The following AGAP1 variants were observed in gnomAD, a reference collection of about 807,000 sequenced individuals.
AGAP1 encodes ArfGAP with GTPase domain, ankyrin repeat and PH domain 1.
A neutral mutation model predicts 105.3 loss-of-function variants in AGAP1; 29 were observed. The ratio of observed to expected loss-of-function variants is 0.28; its 90% CI spans 0.21 to 0.38. The LOEUF (loss-of-function observed/expected upper bound fraction) is 0.38, where lower values mean the gene tolerates loss of function less well. AGAP1 is among the 10% of genes least tolerant of loss of function. The pLI is 1.00. For synonymous variants in AGAP1, 509 were observed against 485.9 expected (o/e 1.05, Z -0.63); for missense variants, 998 against 1,165.1 (o/e 0.86, Z 2.09).
chr2:235,538,425 C>CTGTGTGTGTGTGTGTGTGTGTG (rs1413280144), intron 1 of AGAP1, among the ~76,000 whole-genome samples: 1 of 28,586 alleles, frequency 3.5e-5, no homozygotes, highest in African/African-American at 1.5e-4. Context: ...ACCTCAGCCA[C>CTGTGTGTGTGTGTGTGTGTGTG]TATGTGTGTG....
chr2:235,653,318 G>A (rs1034251701), intron 1 of AGAP1, among the ~76,000 whole-genome samples: 1 of 151,774 alleles, frequency 6.6e-6, no homozygotes, highest in Non-Finnish European at 1.5e-5. Flanking sequence ...AAAAAAATTA[G>A]CCTGGTGTGG....
Position 236,002,652 on chromosome 2 carries a change from T to A in AGAP1, c.1646-33909T>A, listed in dbSNP as rs1293707731. ...TCTGCATCTTCTTGTCCCTCCTGGA[T>A]GAATACAGGACACTTAAACATTTAA... On this transcript the variant is annotated intron_variant, in intron 13 of 17. Coordinates refer to ENST00000304032, the MANE Select transcript of AGAP1 (RefSeq NM_001037131.3). The surrounding 1 kb of genome is among the most constrained non-coding windows in gnomAD (Gnocchi z 4.3). 1.3e-5 allele frequency among the ~76,000 whole-genome samples: 2 copies of A among 152,116 alleles called. No individual in the cohort carries two copies.
chr2:235,549,346 G>T lies in AGAP1; in HGVS notation c.163+54497G>T, dbSNP rs145285585. 6.6e-6 allele frequency among the ~76,000 whole-genome samples: 1 copy of T among 152,308 alleles called. No homozygotes were observed. Among genetic ancestry groups the T allele is most frequent in the Non-Finnish European group, 1.5e-5 (1 of 68,030 alleles). Reference sequence around the variant, plus strand: ...TGCCAGCTCTCACCTGGGAAGGTCAGCGTGCAGGGTTGCAGACTGCTTAAG... The same window carrying T: ...TGCCAGCTCTCACCTGGGAAGGTCATCGTGCAGGGTTGCAGACTGCTTAAG... On this transcript the variant is annotated intron_variant, in intron 1 of 17. Transcript: ENST00000304032. The surrounding 1 kb of genome is among the most constrained non-coding windows in gnomAD (Gnocchi z 4.2).
In AGAP1 at chr2:235,601,656, A is replaced by G. The variant is rs1945735547; in HGVS notation, c.163+106807A>G. Among the ~76,000 whole-genome samples the G allele has an allele frequency of 1.3e-5, 2 of 152,114 alleles. No individual in the cohort carries two copies. The highest frequency in any genetic ancestry group is 4.2e-4 in the South Asian group (2 of 4,814). On this transcript the variant is annotated intron_variant, in intron 1 of 17. Coordinates refer to ENST00000304032, the MANE Select transcript of AGAP1 (RefSeq NM_001037131.3). This position sits in a 1 kb window ranked among gnomAD's most constrained non-coding sequence, Gnocchi z 4.4. Reference sequence around the variant, plus strand: ...TCCCACTGGGTCCCTGGGAGCCACAATTCAAGATGAGATTTGGGTGGGGAC... The same window carrying G: ...TCCCACTGGGTCCCTGGGAGCCACAGTTCAAGATGAGATTTGGGTGGGGAC...
chr2:236,027,752 A>AC lies in AGAP1; in HGVS notation c.1646-8805dup, dbSNP rs1428051143. On this transcript the variant is annotated intron_variant, in intron 13 of 17. Coordinates refer to ENST00000304032, the MANE Select transcript of AGAP1 (RefSeq NM_001037131.3). This position sits in a 1 kb window ranked among gnomAD's most constrained non-coding sequence, Gnocchi z 4.4. ...ACCATCTGGTCAAAACAGAACAGAA[A>AC]CCCCAAAGAGCTGTTCATCGGCGTC... is the stretch of plus-strand genomic sequence containing the variant. 6.6e-6 allele frequency among the ~76,000 whole-genome samples: 1 copy of AC among 151,916 alleles called. No homozygotes were observed. The highest frequency in any genetic ancestry group is 6.6e-5 in the Admixed American group (1 of 15,262).
At chr2:235,847,511 A>G (rs1961640109) in intron 9 of AGAP1, among the ~76,000 whole-genome samples, 1 of 152,252 alleles carries the variant, frequency 6.6e-6, no homozygotes, top group South Asian at 2.1e-4. Flanking sequence ...TACATCTTTG[A>G]AAAGATATGA....
Position 235,549,312 on chromosome 2 carries a change from C to G in AGAP1, c.163+54463C>G, listed in dbSNP as rs1366773996. Reference sequence around the variant, plus strand: ...ACTGGAGAGAGCTGGCGAGTGCAGCCTGCTGGGATGCCAGCTCTCACCTGG... The same window carrying G: ...ACTGGAGAGAGCTGGCGAGTGCAGCGTGCTGGGATGCCAGCTCTCACCTGG... On this transcript the variant is annotated intron_variant, in intron 1 of 17. Coordinates refer to ENST00000304032, the MANE Select transcript of AGAP1 (RefSeq NM_001037131.3). The surrounding 1 kb of genome is among the most constrained non-coding windows in gnomAD (Gnocchi z 4.2). Among the ~76,000 whole-genome samples, 1 of 152,170 alleles carries G rather than the reference C, an allele frequency of 6.6e-6. No individual in the cohort carries two copies. Among genetic ancestry groups the G allele is most frequent in the Non-Finnish European group, 1.5e-5 (1 of 68,030 alleles).
Position 235,717,700 on chromosome 2 carries a change from C to T in AGAP1, c.310+56C>T. 5 of 1,442,860 alleles carry T rather than the reference C, an allele frequency of 3.5e-6. No homozygotes were observed. In the East Asian group the frequency reaches 9.4e-5, roughly 27 times the overall value. The allele number at this position is 1,442,860 out of a possible 1,614,324, so 89.4% of individuals were successfully genotyped here. A position where few individuals can be genotyped will look rare whatever the true frequency, so the allele number is the denominator to read the frequency against. On this transcript the variant is annotated intron_variant, in intron 3 of 17. Coordinates refer to ENST00000304032, the MANE Select transcript of AGAP1 (RefSeq NM_001037131.3). Reference sequence around the variant, plus strand: ...AAGAATGTAGTTTTTTAAAATTTTTCCTTAGCATATTATAAATCATGACTT... The same window carrying T: ...AAGAATGTAGTTTTTTAAAATTTTTTCTTAGCATATTATAAATCATGACTT...
Position 235,830,783 on chromosome 2 carries a change from A to C in AGAP1, c.1050+23452A>C, listed in dbSNP as rs1959255086. Among the ~76,000 whole-genome samples, 1 of 152,076 alleles carries C rather than the reference A, an allele frequency of 6.6e-6. No homozygotes were observed. The highest frequency in any genetic ancestry group is 1.5e-5 in the Non-Finnish European group (1 of 68,004). On this transcript the variant is annotated intron_variant, in intron 9 of 17. Transcript: ENST00000304032. This position sits in a 1 kb window ranked among gnomAD's most constrained non-coding sequence, Gnocchi z 5.5. ...ATTTCTTCCTCGGAATTTTTAAGTG[A>C]TTTTACTTCTATTGGATGCTGTTGA...
rs2125030853 is a variant in AGAP1 at position 235,906,994 on chromosome 2, C to A, written c.1156-1744C>A. ...TCATGCCACTCCACTCCAGCCTGGG[C>A]AACAGAGTGAGACTCTTGTCTCAAA... On this transcript the variant is annotated intron_variant, in intron 10 of 17. Transcript: ENST00000304032. This position sits in a 1 kb window ranked among gnomAD's most constrained non-coding sequence, Gnocchi z 5.3. Among the ~76,000 whole-genome samples, 1 of 152,174 alleles carries A rather than the reference C, an allele frequency of 6.6e-6. No homozygotes were observed. The highest frequency in any genetic ancestry group is 2.1e-4 in the South Asian group (1 of 4,810).
chr2:235,826,424 A>G (rs1333936913), intron 9 of AGAP1, among the ~76,000 whole-genome samples: 2 of 151,874 alleles, frequency 1.3e-5, no homozygotes, highest in South Asian at 2.1e-4. Flanking sequence ...TCCGTTTCAC[A>G]TATCTTTTTT....
At chr2:235,667,959 C>CAAAAAA (rs142657060) in intron 1 of AGAP1, among the ~76,000 whole-genome samples, 2 of 61,954 alleles carry the variant, frequency 3.2e-5, no homozygotes, top group African/African-American at 1.3e-4. Flanking sequence ...GCCTCTGTCT[C>CAAAAAA]AAAAAAAAAA....
Position 235,653,470 on chromosome 2 carries a change from T to TAAATAAAATA in AGAP1, c.164-55688_164-55679dup, listed in dbSNP as rs749611997. On this transcript the variant is annotated intron_variant, in intron 1 of 17. Coordinates refer to ENST00000304032, the MANE Select transcript of AGAP1 (RefSeq NM_001037131.3). ...AAGAGCGAAGCCTCCATCTCAAAAA[T>TAAATAAAATA]AAATAAAATAAAATAAAATAAAATA... is the stretch of plus-strand genomic sequence containing the variant. Among the ~76,000 whole-genome samples the TAAATAAAATA allele has an allele frequency of 3.3e-3, 472 of 143,500 alleles. 1 individual carries two copies. Among genetic ancestry groups the TAAATAAAATA allele is most frequent in the African/African-American group, 0.011 (416 of 36,934 alleles). 94.1% of individuals were successfully genotyped at this position (143,500 alleles called of 152,430 possible). A position where few individuals can be genotyped will look rare whatever the true frequency, so the allele number is the denominator to read the frequency against.
At chr2:235,922,548 T>C (rs2052234531) in intron 11 of AGAP1, among the ~76,000 whole-genome samples, 1 of 152,210 alleles carries the variant, frequency 6.6e-6, no homozygotes, top group Admixed American at 6.5e-5. Flanking sequence ...GAATGAACTT[T>C]TGTATTTTGT....
At chr2:235,727,393 C>T (rs971307390) in intron 3 of AGAP1, among the ~76,000 whole-genome samples, 25 of 152,082 alleles carry the variant, frequency 1.6e-4, no homozygotes, top group Non-Finnish European at 1.3e-4. Context: ...TCACAGATCA[C>T]GTTACACCCA....
At chr2:235,907,962 T>C (rs887948094) in intron 10 of AGAP1, among the ~76,000 whole-genome samples, 3 of 152,102 alleles carry the variant, frequency 2.0e-5, no homozygotes, top group African/African-American at 7.2e-5. Flanking sequence ...GAAATAATAA[T>C]AATAACAATA....
rs567710741 is a variant in AGAP1 at position 235,686,402 on chromosome 2, C to T, written c.164-22777C>T. Among the ~76,000 whole-genome samples the T allele has an allele frequency of 1.4e-4, 21 of 151,806 alleles. No homozygotes were observed. The South Asian group carries it at 4.4e-3, about 32-fold the overall frequency. ...GAGCTTCTATATTGGAATTCTTTGT[C>T]TCCCAGAATAAAAACTCTAACATCA... On this transcript the variant is annotated intron_variant, in intron 1 of 17. Coordinates refer to ENST00000304032, the MANE Select transcript of AGAP1 (RefSeq NM_001037131.3).
In AGAP1 at chr2:235,904,297, A is replaced by G. The variant is rs61623133; in HGVS notation, c.1156-4441A>G. 0.16 allele frequency among the ~76,000 whole-genome samples: 24,193 copies of G among 152,182 alleles called. 2,003 individuals carry two copies. The highest frequency in any genetic ancestry group is 0.2 in the South Asian group (963 of 4,816). The stretch of plus-strand genomic sequence containing the variant: ...GACAGCGAGGCACAGTTACCGAGCA[A>G]TTGGCGGGTTCGGAAACAGGTCCCT... On this transcript the variant is annotated intron_variant, in intron 10 of 17. Coordinates refer to ENST00000304032, the MANE Select transcript of AGAP1 (RefSeq NM_001037131.3). The surrounding 1 kb of genome is among the most constrained non-coding windows in gnomAD (Gnocchi z 4.2).
chr2:235,815,732 A>ACT (rs1236031960), intron 9 of AGAP1, among the ~76,000 whole-genome samples: 4 of 152,194 alleles, frequency 2.6e-5, no homozygotes, highest in African/African-American at 9.7e-5. Context: ...AGCATACGAG[A>ACT]CTCAAAGTAC....
Sources: allele counts gnomAD v4.1 joint callset (sites outside exome capture counted in the v4.1 genomes callset), GRCh38; gene constraint gnomAD v4.1.1; non-coding constraint Gnocchi (gnomAD v3.1); transcripts MANE v1.5; gene names NCBI Gene and HGNC (gene_info 2026-07-23, HGNC 2026-07-21).